The following RILPL1 variants were observed in gnomAD, a reference collection of about 807,000 sequenced individuals.
The protein encoded by RILPL1 is Rab interacting lysosomal protein like 1.
In RILPL1, 33 loss-of-function variants were observed where a neutral mutation model predicts 50.3. The ratio of observed to expected loss-of-function variants is 0.66; its 90% confidence interval spans 0.50 to 0.88. The LOEUF (loss-of-function observed/expected upper bound fraction) is 0.88. Ranked by LOEUF, RILPL1 falls within the 40% of genes least tolerant of loss-of-function variation. RILPL1 has a pLI of 0.00. For synonymous variants in RILPL1, 205 were observed against 228.6 expected (o/e 0.90, Z 0.93); for missense variants, 418 against 542.5 (o/e 0.77, Z 2.28).
rs1593614884 is a variant in RILPL1 at position 123,532,995 on chromosome 12, G to A, written c.309+179C>T. ...GCTCTTAATCTCTCGGGTGGTATCT[G>A]CCAGCCACCCCTGGTCGGGCAAAAG... is the stretch of plus-strand genomic sequence containing the variant. On this transcript the variant is annotated intron_variant, in intron 1 of 6. Transcript: ENST00000376874. 2.6e-5 allele frequency among the ~76,000 whole-genome samples: 4 copies of A among 152,184 alleles called. No homozygotes were observed. The South Asian group carries it at 6.2e-4, about 24-fold the overall frequency.
chr12:123,515,218 T>C (rs1004849312), intron 2 of RILPL1: 1 of 152,024 alleles, frequency 6.6e-6, no homozygotes, highest in Admixed American at 6.6e-5. Context: ...TAAATTAAAA[T>C]ACAGAATTTT....
intron 2 of RILPL1, among the ~76,000 whole-genome samples, chr12:123,501,040 G>A (rs371358222): frequency 1.7e-3 from 266 of 152,138 alleles, no homozygotes; most frequent in African/African-American, 5.6e-3. Flanking sequence ...CCTGGGAGGT[G>A]GAGGTTGCAG....
chr12:123,506,138 A>T (rs1416392661), intron 2 of RILPL1, among the ~76,000 whole-genome samples: 1 of 152,222 alleles, frequency 6.6e-6, no homozygotes, highest in Non-Finnish European at 1.5e-5. Context: ...GGTGCAGGGC[A>T]GGCCTCTCAG....
chr12:123,480,924 C>G (rs1007075943), intron 6 of RILPL1, among the ~76,000 whole-genome samples: 4 of 152,168 alleles, frequency 2.6e-5, no homozygotes, highest in Non-Finnish European at 4.4e-5. Flanking sequence ...TGAGGAGTCA[C>G]AGACCCGGAC....
rs1218180984 is a variant in RILPL1 at position 123,533,465 on chromosome 12, C to T, written c.18G>A (p.Gly6=). MEEER[G]SALAAESALE... ...GCGCCGACTCGGCCGCCAGCGCCGA[C>T]CCCCGCTCCTCCTCCATGGCCACCC... Residue 6 remains glycine, a synonymous_variant, in exon 1 of 7, where the codon GGG becomes GGA. Coordinates refer to ENST00000376874, the MANE Select transcript of RILPL1 (RefSeq NM_178314.5). The surrounding 1 kb of genome is among the most constrained non-coding windows in gnomAD (Gnocchi z 6.2). 7.9e-6 allele frequency: 12 copies of T among 1,527,328 alleles called. No individual in the cohort carries two copies. In the Admixed American group the frequency reaches 2.0e-4, roughly 25 times the overall value. The allele number at this position is 1,527,328 out of a possible 1,614,324, so 94.6% of individuals were successfully genotyped here. A position where few individuals can be genotyped will look rare whatever the true frequency, so the allele number is the denominator to read the frequency against.
chr12:123,525,716 A>AG (rs1885226527), intron 1 of RILPL1, among the ~76,000 whole-genome samples: 2 of 133,380 alleles, frequency 1.5e-5, no homozygotes, highest in Admixed American at 8.3e-5. Context: ...AAAAAAAAAA[A>AG]AAAAAAAAGA....
intron 2 of RILPL1, chr12:123,513,408 G>A (rs923695585): frequency 5.7e-6 from 2 of 348,556 alleles, no homozygotes; most frequent in African/African-American, 2.2e-5. Flanking sequence ...GTGGGCGGGA[G>A]GCGAGCATGA....
rs140254380 is a variant in RILPL1 at position 123,532,581 on chromosome 12, C to T, written c.309+593G>A. On this transcript the variant is annotated intron_variant, in intron 1 of 6. Transcript: ENST00000376874. The stretch of plus-strand genomic sequence containing the variant: ...AAGGATAAAATCAGAGGAGAGAACA[C>T]GGGCTACCACAGGTTCATAAGCTAG... Among the ~76,000 whole-genome samples, 829 of 151,992 alleles carry T rather than the reference C, an allele frequency of 5.5e-3. 10 individuals are homozygous for T. Among genetic ancestry groups the T allele is most frequent in the Non-Finnish European group, 6.9e-3 (472 of 68,010 alleles).
chr12:123,515,012 C>G (rs1331310351), intron 2 of RILPL1, among the ~76,000 whole-genome samples: 2 of 151,692 alleles, frequency 1.3e-5, no homozygotes, highest in African/African-American at 4.8e-5. Context: ...CTCACTGCAG[C>G]CTTGACCTCC....
At chr12:123,520,177 G>T (rs2139380050) in intron 2 of RILPL1, among the ~76,000 whole-genome samples, 1 of 152,360 alleles carries the variant, frequency 6.6e-6, no homozygotes, top group South Asian at 2.1e-4. Context: ...CCAAAAGGTG[G>T]TGACGTCTCA....
chr12:123,472,624 T>C lies in RILPL1; in HGVS notation c.1126A>G (p.Ile376Val), dbSNP rs544426494. Reference protein sequence around the residue: ...RLANTQRNVHIQESFGQWANT... With the variant: ...RLANTQRNVHVQESFGQWANT... ...GCCCACTGTCCAAAGGACTCCTGGATGTGCACGTTTCTCTGTGTGTTGGCC... is the reference window on the plus strand; with the variant it reads ...GCCCACTGTCCAAAGGACTCCTGGACGTGCACGTTTCTCTGTGTGTTGGCC... Residue 376 changes from isoleucine to valine, a missense_variant, in exon 7 of 7, where the codon ATC becomes GTC. By Grantham distance (29) the Ile-to-Val change is conservative (BLOSUM62 3). Coordinates refer to ENST00000376874, the MANE Select transcript of RILPL1 (RefSeq NM_178314.5). 4 of 1,591,012 alleles carry C rather than the reference T, an allele frequency of 2.5e-6. No homozygotes were observed. The Admixed American group carries it at 7.2e-5, about 28-fold the overall frequency.
At chr12:123,523,392 C>G in intron 2 of RILPL1, 103 bp downstream of exon 2, 1 of 1,376,546 alleles carries the variant, frequency 7.3e-7, no homozygotes, top group Non-Finnish European at 1.0e-6. Context: ...TGGGAATCAG[C>G]CAGCACCGCA....
chr12:123,477,492 C>A (rs903578037), intron 6 of RILPL1, among the ~76,000 whole-genome samples: 1 of 151,950 alleles, frequency 6.6e-6, no homozygotes, highest in African/African-American at 2.4e-5. Flanking sequence ...GCGTGCACCA[C>A]CCTGCTGGGC....
chr12:123,484,316 C>A, intron 5 of RILPL1, 44 bp from the exon 6 acceptor site: 1 of 1,282,784 alleles, frequency 7.8e-7, no homozygotes. Context: ...TCAAAAGTTC[C>A]TTGAGAACTG....
intron 6 of RILPL1, among the ~76,000 whole-genome samples, chr12:123,477,340 T>TCTTTC (rs200529556): frequency 7.3e-5 from 3 of 41,202 alleles, no homozygotes; most frequent in African/African-American, 1.2e-4. Flanking sequence ...TTTCTTTCTT[T>TCTTTC]TTTTTTTTTT....
At chr12:123,504,064 T>G (rs575195258) in intron 2 of RILPL1, among the ~76,000 whole-genome samples, 1 of 149,302 alleles carries the variant, frequency 6.7e-6, no homozygotes, top group Admixed American at 6.6e-5. Flanking sequence ...CATTACCACA[T>G]CAGGTGACAT....
chr12:123,485,524 A>T lies in RILPL1; in HGVS notation c.974+109T>A, dbSNP rs569212089. On this transcript the variant is annotated intron_variant, in intron 5 of 6. Transcript: ENST00000376874. This position sits in a 1 kb window ranked among gnomAD's most constrained non-coding sequence, Gnocchi z 4.0. ...AGGCCAGAGAGGGTACCCAAAAAAA[A>T]CACTGATGAAATGCTTGTCTTCCAG... is the stretch of plus-strand genomic sequence containing the variant. 1.3e-5 allele frequency: 14 copies of T among 1,069,630 alleles called. No homozygotes were observed. The South Asian group carries it at 1.3e-4, about 10-fold the overall frequency. 66.3% of individuals were successfully genotyped at this position (1,069,630 alleles called of 1,614,324 possible).
chr12:123,485,550 G>A lies in RILPL1; in HGVS notation c.974+83C>T, dbSNP rs567567055. On this transcript the variant is annotated intron_variant, in intron 5 of 6. Coordinates refer to ENST00000376874, the MANE Select transcript of RILPL1 (RefSeq NM_178314.5). This position sits in a 1 kb window ranked among gnomAD's most constrained non-coding sequence, Gnocchi z 4.0. ...CACTGATGAAATGCTTGTCTTCCAG[G>A]GGGTAAGAAGGTAACTGTACAGAAA... 28 of 1,289,534 alleles carry A rather than the reference G, an allele frequency of 2.2e-5. No individual in the cohort carries two copies. Among genetic ancestry groups the A allele is most frequent in the Non-Finnish European group, 2.2e-6 (2 of 921,658 alleles). The allele number at this position is 1,289,534 out of a possible 1,614,324, so 79.9% of individuals were successfully genotyped here. A position where few individuals can be genotyped will look rare whatever the true frequency, so the allele number is the denominator to read the frequency against.
In RILPL1 at chr12:123,485,921, G is replaced by A. The variant is rs1281783160; in HGVS notation, c.802-116C>T. 25 of 1,105,660 alleles carry A rather than the reference G, an allele frequency of 2.3e-5. No individual in the cohort carries two copies. The Middle Eastern group carries it at 2.1e-3, about 92-fold the overall frequency. 68.5% of individuals were successfully genotyped at this position (1,105,660 alleles called of 1,614,324 possible). A position where few individuals can be genotyped will look rare whatever the true frequency, so the allele number is the denominator to read the frequency against. ...CCGGGGTGCCAGCAGCCTGTGGAGG[G>A]TGCTATTTTCAGCACTCGCAGGCGG... On this transcript the variant is annotated intron_variant, in intron 4 of 6. Coordinates refer to ENST00000376874, the MANE Select transcript of RILPL1 (RefSeq NM_178314.5). The surrounding 1 kb of genome is among the most constrained non-coding windows in gnomAD (Gnocchi z 4.0).
Sources: gnomAD v4.1 joint callset for allele counts (sites outside exome capture counted in the v4.1 genomes callset) on GRCh38, gnomAD v4.1.1 for gene constraint, Gnocchi (gnomAD v3.1) non-coding constraint, MANE v1.5 for transcripts, NCBI Gene and HGNC (gene_info 2026-07-23, HGNC 2026-07-21) for gene names.